The following TPTE2 variants were observed in gnomAD, a reference collection of about 807,000 sequenced individuals.
The protein encoded by TPTE2 is phosphatidylinositol 3,4,5-trisphosphate 3-phosphatase TPTE2.
Under a neutral mutation model 78.6 loss-of-function variants are expected in TPTE2, and 53 were observed. That is an observed-to-expected ratio of 0.67 (90% CI 0.54 to 0.85). The LOEUF is 0.85. TPTE2 is among the 40% of genes least tolerant of loss of function. The pLI is 0.00. For synonymous variants in TPTE2, 175 were observed against 206.2 expected, an observed-to-expected ratio of 0.85 and a Z score of 1.30; for missense variants, 461 against 623.0, an observed-to-expected ratio of 0.74 and a Z score of 2.77.
rs149382224 is a variant in TPTE2 at position 19,440,775 on chromosome 13, A to G, written c.974-2622T>C. Among the ~76,000 whole-genome samples, 429 of 151,086 alleles carry G rather than the reference A, an allele frequency of 2.8e-3. 3 individuals carry two copies. The highest frequency in any genetic ancestry group is 0.01 in the African/African-American group (413 of 41,100). On this transcript the variant is annotated intron_variant, in intron 13 of 19. Transcript: ENST00000400230. ...CAGCAAGACTCCATCTCAAAAACAAACAAGCAAACAAACAAACAAACAAAA... is the reference window on the plus strand; with the variant it reads ...CAGCAAGACTCCATCTCAAAAACAAGCAAGCAAACAAACAAACAAACAAAA...
At chr13:19,542,804 G>T in the TPTE2 span, among the ~76,000 whole-genome samples, 1 of 151,928 alleles carries the variant, frequency 6.6e-6, no homozygotes, top group Non-Finnish European at 1.5e-5. Context: ...GACCAGCCTG[G>T]GCAACACGGT....
intron 14 of TPTE2, among the ~76,000 whole-genome samples, 152 bp downstream of exon 17, chr13:19,437,939 GT>G (rs913392183): frequency 7.2e-5 from 11 of 152,228 alleles, no homozygotes; most frequent in African/African-American, 2.6e-4. Context: ...AAACAAGAAA[GT>G]ATCAAAAATA....
the TPTE2 span, among the ~76,000 whole-genome samples, chr13:19,549,453 A>C: frequency 2.0e-5 from 3 of 152,358 alleles, no homozygotes; most frequent in African/African-American, 7.2e-5. Flanking sequence ...CCACAATGAG[A>C]TACCACTGCA....
At chr13:19,499,769 A>T (rs1332667930) in intron 1 of TPTE2, among the ~76,000 whole-genome samples, 2 of 146,782 alleles carry the variant, frequency 1.4e-5, no homozygotes, top group African/African-American at 2.6e-5. Flanking sequence ...CACATTCAAA[A>T]GCTAGCAGAA....
chr13:19,543,121 G>A, the TPTE2 span, among the ~76,000 whole-genome samples: 2 of 151,610 alleles, frequency 1.3e-5, no homozygotes, highest in African/African-American at 4.8e-5. Context: ...GCAGTGGCGT[G>A]ATCTCAGCTC....
chr13:19,553,218 G>A, the TPTE2 span, among the ~76,000 whole-genome samples: 94,553 of 152,014 alleles, frequency 0.62, 33,073 homozygotes, highest in East Asian at 0.89. Flanking sequence ...CCAACCCTAT[G>A]AGTAACATAT....
intron 6 of TPTE2, 134 bp from the exon 10 acceptor site, chr13:19,467,478 T>C: frequency 1.4e-6 from 1 of 735,802 alleles, no homozygotes; most frequent in Non-Finnish European, 2.0e-6. Context: ...ATGTATTTTC[T>C]AGAGTAGACT....
Position 19,438,003 on chromosome 13 carries a change from A to G in TPTE2, c.1035+89T>C. 3.9e-6 allele frequency: 6 copies of G among 1,538,800 alleles called. No homozygotes were observed. In the South Asian group the frequency reaches 5.0e-5, roughly 13 times the overall value. ...ACAATTTTACTAAGCACCATGACTCAAATAATCATCTTAACGTCCTACCAG... is the reference window on the plus strand; with the variant it reads ...ACAATTTTACTAAGCACCATGACTCGAATAATCATCTTAACGTCCTACCAG... On this transcript the variant is annotated intron_variant, in intron 14 of 19. Coordinates refer to ENST00000400230, the Ensembl canonical transcript of TPTE2.
At chr13:19,536,113 G>A (rs752597564) in intron 1 of TPTE2, among the ~76,000 whole-genome samples, 10 of 152,120 alleles carry the variant, frequency 6.6e-5, no homozygotes, top group South Asian at 2.1e-4. Flanking sequence ...CAGTTTATTA[G>A]AATATGGATG....
intron 4 of TPTE2, among the ~76,000 whole-genome samples, chr13:19,479,759 T>C (rs112850780): frequency 0.11 from 16,198 of 151,940 alleles, 994 homozygotes; most frequent in Middle Eastern, 0.19. Flanking sequence ...GTCAAGAGAT[T>C]GAGACCATCC....
chr13:19,462,433 T>C (rs1279975741), intron 10 of TPTE2, among the ~76,000 whole-genome samples: 1 of 152,178 alleles, frequency 6.6e-6, no homozygotes, highest in Non-Finnish European at 1.5e-5. Flanking sequence ...TCCCATCTTA[T>C]TGTCTACTGA....
At chr13:19,433,780 G>T (rs373987148) in intron 15 of TPTE2, among the ~76,000 whole-genome samples, 3 of 152,336 alleles carry the variant, frequency 2.0e-5, no homozygotes, top group African/African-American at 7.2e-5. Flanking sequence ...CAAACATGCA[G>T]CTGAGTCCCT....
the TPTE2 span, among the ~76,000 whole-genome samples, chr13:19,545,372 G>A: frequency 6.6e-5 from 10 of 152,188 alleles, no homozygotes; most frequent in Non-Finnish European, 1.0e-4. Flanking sequence ...TGTACCTCTA[G>A]ATGTGTATCC....
chr13:19,465,297 A>G, exon 9 of TPTE2: 2 of 1,613,902 alleles, frequency 1.2e-6, no homozygotes, highest in Non-Finnish European at 1.7e-6. Context: ...TCCCTTGTGT[A>G]TCGCCTTTTG....
At chr13:19,498,439 C>A (rs1214396999) in intron 1 of TPTE2, among the ~76,000 whole-genome samples, 3 of 151,532 alleles carry the variant, frequency 2.0e-5, no homozygotes, top group Admixed American at 6.6e-5. Context: ...ATCAGACTAA[C>A]AGCAGATCTC....
chr13:19,452,821 C>A (rs1284038832), intron 10 of TPTE2, among the ~76,000 whole-genome samples: 2 of 151,974 alleles, frequency 1.3e-5, no homozygotes, highest in South Asian at 4.1e-4. Context: ...ACAGAAAAAG[C>A]CTTATGCGCA....
At chr13:19,452,565 C>T (rs1310472364) in intron 10 of TPTE2, among the ~76,000 whole-genome samples, 1 of 152,122 alleles carries the variant, frequency 6.6e-6, no homozygotes, top group Non-Finnish European at 1.5e-5. Context: ...GATTAACAAC[C>T]TACGTAAACA....
chr13:19,524,045 C>T (rs935587448), intron 1 of TPTE2, among the ~76,000 whole-genome samples: 9 of 152,162 alleles, frequency 5.9e-5, no homozygotes, highest in Non-Finnish European at 1.0e-4. Flanking sequence ...CAATAGGGGA[C>T]TTTGAAATGC....
chr13:19,534,000 A>G (rs1430650166), intron 1 of TPTE2, among the ~76,000 whole-genome samples: 1 of 152,232 alleles, frequency 6.6e-6, no homozygotes, highest in Non-Finnish European at 1.5e-5. Context: ...TTAAATTGGT[A>G]AAGGTAGACC....
Sources: gnomAD v4.1 joint callset for allele counts (sites outside exome capture counted in the v4.1 genomes callset) on GRCh38, gnomAD v4.1.1 for gene constraint, MANE v1.5 for transcripts, NCBI Gene and HGNC (gene_info 2026-07-23, HGNC 2026-07-21) for gene names.